Variants in NINL observed in about 807,000 individuals in gnomAD.
NINL encodes ninein like, also known as ninein-like protein.
In NINL, 153 loss-of-function variants were observed where a neutral mutation model predicts 160.3. The observed-to-expected ratio is 0.95, with a 90% CI of 0.84 to 1.09. The LOEUF (loss-of-function observed/expected upper bound fraction) is 1.09. Among genes scored for constraint, NINL ranks in the 50% least tolerant of loss-of-function variants. The pLI is 0.00. For missense variants in NINL, 1,829 were observed against 1,764.0 expected (o/e 1.04, Z -0.66); for synonymous variants, 800 against 734.8 (o/e 1.09, Z -1.43).
Position 25,476,060 on chromosome 20 carries a change from A to G in NINL, c.3231T>C (p.Asp1077=). 1.9e-6 allele frequency: 3 copies of G among 1,613,240 alleles called. No homozygotes were observed. The highest frequency in any genetic ancestry group is 1.1e-5 in the South Asian group (1 of 90,984). ...AGGCAAACCTGTCGTTCTCTCTCAAATCTACATGTTTCTCCAGAGCCCGGA... is the reference window on the plus strand; with the variant it reads ...AGGCAAACCTGTCGTTCTCTCTCAAGTCTACATGTTTCTCCAGAGCCCGGA... The part of the protein sequence containing the change: ...DVVRALEKHV[D]LRENDRLEFH... The change falls in exon 17 of 24, where the codon GAT becomes GAC. Residue 1077 remains aspartate (D), a synonymous_variant. Transcript: ENST00000278886.
At chr20:25,517,974 TC>T in intron 2 of NINL, 125 bp from the exon 3 acceptor site, 1 of 534,188 alleles carries the variant, frequency 1.9e-6, no homozygotes, top group Non-Finnish European at 3.2e-6. Context: ...ATGAGAACAT[TC>T]ACGTTTTCAA....
Position 25,504,918 on chromosome 20 carries a change from C to T in NINL, c.678G>A (p.Gln226=), listed in dbSNP as rs1454230963. The change falls in exon 6 of 24, where the codon CAG becomes CAA. Residue 226 remains glutamine, a synonymous_variant. Transcript: ENST00000278886. The part of the protein sequence containing the change: ...LSEQELAVVC[Q]SVGLQGLEKE... ...TCTCGAGTCCCTGGAGCCCGACGCT[C>T]TGGCAGACCACAGCCAGCTCCTGCT... 2.5e-6 allele frequency: 4 copies of T among 1,612,066 alleles called. No homozygotes were observed. Among genetic ancestry groups the T allele is most frequent in the Non-Finnish European group, 3.4e-6 (4 of 1,179,954 alleles).
chr20:25,470,024 A>G lies in NINL; in HGVS notation c.3320T>C (p.Leu1107Pro). The part of the protein sequence containing the change: ...KNDLGRVRQE[L>P]EAAESTHDAQ... ...ATCGTGAGTACTTTCTGCAGCTTCAAGCTCTTGCCGAACCCTTCCCAGATC... is the reference window on the plus strand; with the variant it reads ...ATCGTGAGTACTTTCTGCAGCTTCAGGCTCTTGCCGAACCCTTCCCAGATC... The change falls in exon 18 of 24, where the codon CTT (leucine) becomes CCT (proline). Residue 1107 changes from leucine to proline, a missense_variant. Transcript: ENST00000278886. 6.2e-7 allele frequency: 1 copy of G among 1,614,164 alleles called. No homozygotes were observed. The highest frequency in any genetic ancestry group is 1.1e-5 in the South Asian group (1 of 91,080).
chr20:25,541,718 C>T (rs997030259), intron 1 of NINL, among the ~76,000 whole-genome samples: 6 of 152,196 alleles, frequency 3.9e-5, no homozygotes, highest in Admixed American at 6.5e-5. Context: ...TCAGTATCAA[C>T]TTCTAACATA....
intron 19 of NINL, among the ~76,000 whole-genome samples, chr20:25,466,187 G>T (rs553890488): frequency 6.6e-6 from 1 of 151,932 alleles, no homozygotes; most frequent in Non-Finnish European, 1.5e-5. Context: ...ATACTCAGCT[G>T]ATTTTTCTTT....
intron 18 of NINL, among the ~76,000 whole-genome samples, chr20:25,468,458 G>T (rs1352120989): frequency 8.2e-6 from 1 of 121,604 alleles, no homozygotes; most frequent in East Asian, 2.4e-4. Flanking sequence ...GCACCCCCCT[G>T]CCCTGTCCCC....
chr20:25,496,651 C>T lies in NINL; in HGVS notation c.1310+12G>A. ...CCCAGGTAAGAATCCACCACCTGGGCCCAGAACCCACTTGATTTTCTTCTC... is the reference window on the plus strand; with the variant it reads ...CCCAGGTAAGAATCCACCACCTGGGTCCAGAACCCACTTGATTTTCTTCTC... On this transcript the variant is annotated intron_variant, in intron 10 of 23. Coordinates refer to ENST00000278886, the MANE Select transcript of NINL (RefSeq NM_025176.6). 6.2e-7 allele frequency: 1 copy of T among 1,603,850 alleles called. No individual in the cohort carries two copies. The highest frequency in any genetic ancestry group is 8.5e-7 in the Non-Finnish European group (1 of 1,178,476).
At chr20:25,497,874 CCCAAG>C (rs2063789942) in intron 9 of NINL, among the ~76,000 whole-genome samples, 1 of 152,188 alleles carries the variant, frequency 6.6e-6, no homozygotes, top group Non-Finnish European at 1.5e-5. Context: ...ACATACAGAT[CCCAAG>C]CACCTCAACA....
intron 3 of NINL, among the ~76,000 whole-genome samples, chr20:25,517,437 T>C (rs983294419): frequency 2.0e-5 from 3 of 152,196 alleles, no homozygotes; most frequent in Non-Finnish European, 2.9e-5. Flanking sequence ...TCTCCAAGGA[T>C]GCCACTTCCA....
Position 25,483,194 on chromosome 20 carries a change from C to T in NINL, c.1678-1094G>A, listed in dbSNP as rs1232159813. ...ACTAAAAATACAAAAACTAGCCAGG[C>T]GTGGTGGTGGGCACCTGTAATCCCA... is the stretch of plus-strand genomic sequence containing the variant. On this transcript the variant is annotated intron_variant, in intron 13 of 23. Coordinates refer to ENST00000278886, the MANE Select transcript of NINL (RefSeq NM_025176.6). Among the ~76,000 whole-genome samples the T allele has an allele frequency of 3.3e-5, 5 of 151,410 alleles. No individual in the cohort carries two copies. In the South Asian group the frequency reaches 6.3e-4, roughly 19 times the overall value.
intron 17 of NINL, among the ~76,000 whole-genome samples, chr20:25,470,878 C>T (rs547733333): frequency 1.3e-5 from 2 of 152,282 alleles, no homozygotes; most frequent in South Asian, 4.1e-4. Flanking sequence ...CCCATACTTG[C>T]TACCCAGAGA....
At chr20:25,489,179 C>T in intron 13 of NINL, 65 bp downstream of exon 13, 2 of 1,464,996 alleles carry the variant, frequency 1.4e-6, no homozygotes, top group Non-Finnish European at 1.9e-6. Context: ...TTACTGTGGA[C>T]CACCTGCGTG....
chr20:25,531,724 A>G (rs1292889267), intron 1 of NINL, among the ~76,000 whole-genome samples: 8 of 152,150 alleles, frequency 5.3e-5, no homozygotes, highest in Non-Finnish European at 1.2e-4. Context: ...CCATGCCCCA[A>G]AAGCTGTGCC....
At chr20:25,471,471 T>C (rs543388655) in intron 17 of NINL, among the ~76,000 whole-genome samples, 1 of 152,284 alleles carries the variant, frequency 6.6e-6, no homozygotes, top group East Asian at 1.9e-4. Context: ...AACAAGTTGA[T>C]GCAAGGCCGA....
intron 16 of NINL, 115 bp downstream of exon 16, chr20:25,478,807 GA>G: frequency 1.6e-6 from 2 of 1,284,414 alleles, no homozygotes; most frequent in Non-Finnish European, 2.1e-6. Flanking sequence ...CTGCCCAGAG[GA>G]AAACCACCCA....
chr20:25,536,497 G>A (rs2064558720), intron 1 of NINL, among the ~76,000 whole-genome samples: 1 of 152,332 alleles, frequency 6.6e-6, no homozygotes, highest in Non-Finnish European at 1.5e-5. Context: ...GATCACTTGA[G>A]GTCAGGAGTT....
intron 1 of NINL, among the ~76,000 whole-genome samples, chr20:25,553,831 C>T (rs2064832694): frequency 1.3e-5 from 2 of 152,342 alleles, no homozygotes; most frequent in Non-Finnish European, 2.9e-5. Context: ...CTCACTCTGC[C>T]CAACTTGGGC....
chr20:25,493,724 C>G (rs2146713012), intron 10 of NINL, among the ~76,000 whole-genome samples: 1 of 152,182 alleles, frequency 6.6e-6, no homozygotes, highest in South Asian at 2.1e-4. Context: ...CAGAATAGTT[C>G]AGCTGACGGA....
At chr20:25,581,253 G>A (rs886212041) in intron 1 of NINL, among the ~76,000 whole-genome samples, 3 of 152,162 alleles carry the variant, frequency 2.0e-5, no homozygotes, top group African/African-American at 7.2e-5. Flanking sequence ...AGACCAGCCT[G>A]GCCAACATGG....
Sources: allele counts gnomAD v4.1 joint callset (sites outside exome capture counted in the v4.1 genomes callset), GRCh38; gene constraint gnomAD v4.1.1; transcripts MANE v1.5; gene names NCBI Gene and HGNC (gene_info 2026-07-23, HGNC 2026-07-21).